The following NNT variants were observed in gnomAD, a reference collection of about 807,000 sequenced individuals.
NNT encodes the protein nicotinamide nucleotide transhydrogenase, also known as NAD(P) transhydrogenase, mitochondrial.
In NNT, 50 loss-of-function variants were observed where a neutral mutation model predicts 104.8. The observed-to-expected ratio is 0.48, with a 90% CI of 0.38 to 0.60. NNT has a LOEUF of 0.60. Among genes scored for constraint, NNT ranks in the 20% least tolerant of loss-of-function variants. The probability of loss-of-function intolerance (pLI) is 0.00; values close to 1 mark genes in which losing one functional copy is unlikely to be tolerated. For missense variants in NNT, 1,131 were observed against 1,330.7 expected (o/e 0.85, Z 2.33); for synonymous variants, 461 against 490.4 (o/e 0.94, Z 0.79).
intron 20 of NNT, 54 bp from the exon 21 acceptor site, chr5:43,702,567 T>G (rs530259344): frequency 9.0e-7 from 1 of 1,107,510 alleles, no homozygotes; most frequent in Non-Finnish European, 1.3e-6. Flanking sequence ...TCTGAAAATA[T>G]GTAAAAGTGA....
chr5:43,620,853 A>G (rs922903930), intron 5 of NNT, among the ~76,000 whole-genome samples: 1 of 152,206 alleles, frequency 6.6e-6, no homozygotes, highest in Non-Finnish European at 1.5e-5. Context: ...GTCTACTACT[A>G]ATTTTGGTTA....
intron 10 of NNT, among the ~76,000 whole-genome samples, chr5:43,647,773 T>G: frequency 6.6e-6 from 1 of 152,330 alleles, no homozygotes; most frequent in East Asian, 1.9e-4. Flanking sequence ...GACTGTGGAT[T>G]GTGATAAGGT....
chr5:43,699,881 T>C lies in NNT; in HGVS notation c.2877-238T>C, dbSNP rs1034180689. ...ACTGCACTGAAAACAAAGTTAAGCT[T>C]TTATTTTTCTGAGGGAAGTTATAGT... On this transcript the variant is annotated intron_variant, in intron 19 of 21. Coordinates refer to ENST00000344920, the MANE Select transcript of NNT (RefSeq NM_182977.3). 3.3e-5 allele frequency among the ~76,000 whole-genome samples: 5 copies of C among 152,290 alleles called. No homozygotes were observed. The South Asian group carries it at 1.0e-3, about 32-fold the overall frequency.
At chr5:43,635,509 G>C (rs1171972345) in intron 7 of NNT, among the ~76,000 whole-genome samples, 1 of 152,260 alleles carries the variant, frequency 6.6e-6, no homozygotes, top group East Asian at 1.9e-4. Flanking sequence ...TCTGTGCCCA[G>C]GAATAAGAGA....
chr5:43,628,998 T>A (rs751448867), intron 7 of NNT, among the ~76,000 whole-genome samples: 2 of 152,162 alleles, frequency 1.3e-5, no homozygotes, highest in Non-Finnish European at 2.9e-5. Context: ...TTACTATTAT[T>A]TTCTCTGCAA....
intron 19 of NNT, among the ~76,000 whole-genome samples, chr5:43,678,422 G>T (rs1465817497): frequency 3.3e-5 from 5 of 152,220 alleles, no homozygotes; most frequent in African/African-American, 4.8e-5. Flanking sequence ...AGATTTTGCT[G>T]TTCCTGGATT....
chr5:43,671,949 A>G (rs894226751), intron 17 of NNT, among the ~76,000 whole-genome samples: 1 of 152,174 alleles, frequency 6.6e-6, no homozygotes, highest in Admixed American at 6.5e-5. Flanking sequence ...GTCTTTTCAC[A>G]TAGTCCCATA....
chr5:43,637,359 T>C (rs895469843), intron 7 of NNT, among the ~76,000 whole-genome samples: 6 of 152,210 alleles, frequency 3.9e-5, no homozygotes, highest in East Asian at 1.9e-4. Context: ...AAAACCCTTT[T>C]GTTATCATTG....
At chr5:43,634,776 A>G (rs1384830485) in intron 7 of NNT, among the ~76,000 whole-genome samples, 2 of 152,184 alleles carry the variant, frequency 1.3e-5, no homozygotes, top group African/African-American at 4.8e-5. Context: ...CTCAAGTGGA[A>G]GATGCCAAAA....
chr5:43,693,461 G>A (rs1742394374), intron 19 of NNT, among the ~76,000 whole-genome samples: 1 of 152,106 alleles, frequency 6.6e-6, no homozygotes, highest in Admixed American at 6.6e-5. Flanking sequence ...CATTTTTAAA[G>A]TAGAGATCTC....
intron 19 of NNT, among the ~76,000 whole-genome samples, chr5:43,694,529 T>C (rs1742452780): frequency 6.6e-6 from 1 of 152,148 alleles, no homozygotes; most frequent in African/African-American, 2.4e-5. Context: ...CTGCATCTAT[T>C]GAGATAATCA....
chr5:43,612,394 T>C (rs1749547297), intron 2 of NNT, among the ~76,000 whole-genome samples: 1 of 152,122 alleles, frequency 6.6e-6, no homozygotes. Context: ...GTGTGTAGAG[T>C]CTTAAGATAC....
chr5:43,660,973 A>G (rs1454284890), intron 17 of NNT, among the ~76,000 whole-genome samples: 1 of 152,156 alleles, frequency 6.6e-6, no homozygotes, highest in Non-Finnish European at 1.5e-5. Flanking sequence ...TTATTTTACA[A>G]CTCAGGATTT....
At chr5:43,694,612 G>A (rs1742458001) in intron 19 of NNT, among the ~76,000 whole-genome samples, 1 of 152,178 alleles carries the variant, frequency 6.6e-6, no homozygotes, top group South Asian at 2.1e-4. Flanking sequence ...AACCAACCTT[G>A]CATCCCTGGG....
intron 3 of NNT, among the ~76,000 whole-genome samples, chr5:43,614,119 G>GTA (rs1749650535): frequency 6.6e-6 from 1 of 152,158 alleles, no homozygotes; most frequent in Non-Finnish European, 1.5e-5. Flanking sequence ...AAAAAGAAGA[G>GTA]TATAATTCAT....
intron 17 of NNT, among the ~76,000 whole-genome samples, chr5:43,662,380 CTT>C (rs1561301048): frequency 2.0e-5 from 3 of 152,086 alleles, no homozygotes; most frequent in African/African-American, 4.8e-5. Flanking sequence ...TTTTCTTACT[CTT>C]TTATTTTTTT....
chr5:43,700,126 A>G lies in NNT; in HGVS notation c.2884A>G (p.Ile962Val). 1 of 1,612,366 alleles carries G rather than the reference A, an allele frequency of 6.2e-7. No homozygotes were observed. The highest frequency in any genetic ancestry group is 8.5e-7 in the Non-Finnish European group (1 of 1,179,100). Residue 962 changes from isoleucine to valine, a missense_variant, in exon 20 of 22, where the codon ATT (isoleucine) becomes GTT (valine). Ile to Val is a conservative substitution (Grantham distance 29). Coordinates refer to ENST00000344920, the MANE Select transcript of NNT (RefSeq NM_182977.3). ...CATTTGTTTCATGTCTAGGTTTGGA[A>G]TTCACCCAGTTGCAGGCCGAATGCC... ...TEQGKKVRFGIHPVAGRMPGQ... is the reference protein window; with the variant it reads ...TEQGKKVRFGVHPVAGRMPGQ...
intron 14 of NNT, among the ~76,000 whole-genome samples, chr5:43,655,412 G>A (rs1739990181): frequency 6.6e-6 from 1 of 152,168 alleles, no homozygotes; most frequent in Admixed American, 6.5e-5. Context: ...GTGCTGACAT[G>A]ACATCACAAG....
chr5:43,619,558 A>G (rs1486356915), intron 5 of NNT, among the ~76,000 whole-genome samples: 2 of 152,180 alleles, frequency 1.3e-5, no homozygotes, highest in African/African-American at 4.8e-5. Context: ...TGGTGTAATC[A>G]GAGTATTTGG....
Sources: gnomAD v4.1 joint callset for allele counts (sites outside exome capture counted in the v4.1 genomes callset) on GRCh38, gnomAD v4.1.1 for gene constraint, MANE v1.5 for transcripts, NCBI Gene and HGNC (gene_info 2026-07-23, HGNC 2026-07-21) for gene names.